The following MCCC1 variants were observed in gnomAD, a reference collection of about 807,000 sequenced individuals.
MCCC1 encodes methylcrotonoyl-CoA carboxylase subunit alpha, mitochondrial.
In MCCC1, 64 loss-of-function variants were observed where a neutral mutation model predicts 83.8. The ratio of observed to expected loss-of-function variants is 0.76; its 90% CI spans 0.62 to 0.94. The LOEUF (loss-of-function observed/expected upper bound fraction) is 0.94. Ranked by LOEUF, MCCC1 falls within the 40% of genes least tolerant of loss-of-function variation. The pLI is 0.00. For synonymous variants in MCCC1, 322 were observed against 315.4 expected, an observed-to-expected ratio of 1.02 and a Z score of -0.22; for missense variants, 807 against 904.7, an observed-to-expected ratio of 0.89 and a Z score of 1.39.
intron 7 of MCCC1, among the ~76,000 whole-genome samples, chr3:183,058,117 A>T (rs1715559813): frequency 6.6e-6 from 1 of 152,214 alleles, no homozygotes; most frequent in Non-Finnish European, 1.5e-5. Flanking sequence ...ACTACATCAA[A>T]ATTACAAATT....
chr3:183,083,751 CT>C (rs1215618401), intron 4 of MCCC1, among the ~76,000 whole-genome samples: 4 of 152,086 alleles, frequency 2.6e-5, no homozygotes, highest in African/African-American at 9.7e-5. Context: ...ATTTTCAATT[CT>C]TCAGGAGGCA....
At chr3:183,040,100 A>G (rs1353432689) in intron 11 of MCCC1, among the ~76,000 whole-genome samples, 1 of 21,478 alleles carries the variant, frequency 4.7e-5, no homozygotes, top group Non-Finnish European at 1.0e-4. Context: ...CCATCTCAGA[A>G]AAAAAAAAAA....
chr3:183,028,610 C>T (rs571887010), intron 14 of MCCC1, among the ~76,000 whole-genome samples: 6 of 152,260 alleles, frequency 3.9e-5, no homozygotes, highest in South Asian at 2.1e-4. Flanking sequence ...ATTTAGAAGA[C>T]GTTAATGACT....
At chr3:183,065,537 G>A (rs746278326) in intron 7 of MCCC1, among the ~76,000 whole-genome samples, 2 of 152,152 alleles carry the variant, frequency 1.3e-5, no homozygotes, top group Non-Finnish European at 2.9e-5. Context: ...CATGTAAGGT[G>A]TGTAAGGAAA....
chr3:183,104,082 G>A (rs1053860676), upstream of MCCC1, among the ~76,000 whole-genome samples: 17 of 152,322 alleles, frequency 1.1e-4, no homozygotes, highest in Non-Finnish European at 2.4e-4. Flanking sequence ...AACTCCAGCT[G>A]GCCCGCAAGC....
At chr3:183,107,223 G>A (rs1719419794) in intron 1 of MCCC1, among the ~76,000 whole-genome samples, 6 of 151,824 alleles carry the variant, frequency 4.0e-5, no homozygotes, top group Admixed American at 3.9e-4. Context: ...TGGCCAACAT[G>A]GTGAAACCCC....
intron 9 of MCCC1, among the ~76,000 whole-genome samples, chr3:183,046,728 C>T (rs1469956748): frequency 3.9e-5 from 6 of 152,064 alleles, no homozygotes; most frequent in Non-Finnish European, 7.4e-5. Flanking sequence ...CAATCTGATC[C>T]GGCATCTAAG....
upstream of MCCC1, among the ~76,000 whole-genome samples, chr3:183,101,688 A>G (rs548889159): frequency 1.3e-5 from 2 of 152,342 alleles, no homozygotes; most frequent in East Asian, 3.9e-4. Flanking sequence ...CCAAACCAGC[A>G]TTGGCAACCT....
intron 14 of MCCC1, among the ~76,000 whole-genome samples, chr3:183,030,064 T>C (rs541359298): frequency 9.9e-5 from 15 of 152,234 alleles, no homozygotes; most frequent in South Asian, 4.1e-4. Flanking sequence ...TCCCAGTACT[T>C]TGGGAGGCCG....
intron 4 of MCCC1, among the ~76,000 whole-genome samples, chr3:183,074,084 T>G (rs1716888438): frequency 6.6e-6 from 1 of 152,288 alleles, no homozygotes; most frequent in Middle Eastern, 3.4e-3. Context: ...AACTTATCAA[T>G]TGTTGATTTC....
intron 4 of MCCC1, among the ~76,000 whole-genome samples, chr3:183,075,830 G>A (rs1717030844): frequency 1.3e-5 from 2 of 152,104 alleles, no homozygotes; most frequent in African/African-American, 2.4e-5. Context: ...GTGAGCCACT[G>A]TGCCCGGCTG....
chr3:183,085,871 C>A (rs183804628), intron 4 of MCCC1, among the ~76,000 whole-genome samples: 2 of 152,162 alleles, frequency 1.3e-5, no homozygotes, highest in South Asian at 2.1e-4. Flanking sequence ...TCCTCACCGC[C>A]GGGAAGCGGC....
At position 183,039,091 on chromosome 3, in the gene MCCC1, C is replaced by A; in HGVS notation, c.1312G>T (p.Val438Phe). 1 of 1,614,196 alleles carries A rather than the reference C, an allele frequency of 6.2e-7. No individual in the cohort carries two copies. The highest frequency in any genetic ancestry group is 8.5e-7 in the Non-Finnish European group (1 of 1,180,046). The change falls in exon 12 of 19, where the codon GTC (valine) becomes TTC (phenylalanine). Residue 438 changes from valine to phenylalanine, a missense_variant. Physicochemically the swap from Val to Phe is conservative, Grantham distance 50 (BLOSUM62 -1). Coordinates refer to ENST00000265594, the MANE Select transcript of MCCC1 (RefSeq NM_020166.5). ...VHYDPMIAKL[V>F]VWAADRQAAL... The stretch of plus-strand genomic sequence containing the variant: ...GCCTGGCGATCTGCTGCCCACACGA[C>A]CAGCTTCGCAATCATGGGGTCATAA...
intron 4 of MCCC1, among the ~76,000 whole-genome samples, chr3:183,084,450 C>T (rs1717743605): frequency 2.0e-5 from 3 of 152,118 alleles, no homozygotes; most frequent in Non-Finnish European, 4.4e-5. Context: ...TCTCCACGTA[C>T]TATTATCATC....
intron 17 of MCCC1, 115 bp downstream of exon 17, chr3:183,020,015 G>C: frequency 1.3e-6 from 1 of 778,014 alleles, no homozygotes; most frequent in Non-Finnish European, 2.2e-6. Flanking sequence ...TTTTTGTGAA[G>C]TGGATGCTTT....
intron 4 of MCCC1, among the ~76,000 whole-genome samples, chr3:183,079,673 T>G (rs1268800549): frequency 6.6e-6 from 1 of 152,134 alleles, no homozygotes; most frequent in Admixed American, 6.5e-5. Flanking sequence ...TTCTCACAGC[T>G]CCACTAGGCA....
Position 183,034,613 on chromosome 3 carries a change from A to G in MCCC1, c.1595-536T>C, listed in dbSNP as rs1371242310. Among the ~76,000 whole-genome samples, 4 of 152,130 alleles carry G rather than the reference A, an allele frequency of 2.6e-5. No individual in the cohort carries two copies. The East Asian group carries it at 7.7e-4, about 29-fold the overall frequency. The stretch of plus-strand genomic sequence containing the variant: ...CTATTGAAGAATCTGAATATTTGCA[A>G]TCTAAACTCTAATCCCATAGTGGCA... On this transcript the variant is annotated intron_variant, in intron 13 of 18. Coordinates refer to ENST00000265594, the MANE Select transcript of MCCC1 (RefSeq NM_020166.5).
At chr3:183,114,850 C>G (rs1438547054) in intron 1 of MCCC1, among the ~76,000 whole-genome samples, 2 of 152,288 alleles carry the variant, frequency 1.3e-5, no homozygotes, top group African/African-American at 4.8e-5. Flanking sequence ...AAGCAGGACC[C>G]ATGCTGGCTG....
Position 183,110,456 on chromosome 3 carries a change from C to T in MCCC1, c.-102+5018G>A, listed in dbSNP as rs534932047. 7.3e-5 allele frequency among the ~76,000 whole-genome samples: 11 copies of T among 150,368 alleles called. No individual in the cohort carries two copies. In the East Asian group the frequency reaches 7.9e-4, roughly 11 times the overall value. On this transcript the variant is annotated intron_variant, in intron 1 of 17. Transcript: ENST00000492597. ...TCACCCAGGCTGGAGTGCAGTGCCG[C>T]GATCTCAGCTCACTGTGAGCTCCGC...
Sources: gnomAD v4.1 joint callset for allele counts (sites outside exome capture counted in the v4.1 genomes callset) on GRCh38, gnomAD v4.1.1 for gene constraint, MANE v1.5 for transcripts, NCBI Gene and HGNC (gene_info 2026-07-23, HGNC 2026-07-21) for gene names.